Variants in GVQW3 observed in about 807,000 individuals in gnomAD.
The protein encoded by GVQW3 is GVQW motif containing 3, also known as protein GVQW3.
A neutral mutation model predicts 12.5 loss-of-function variants in GVQW3; 7 were observed. The observed-to-expected ratio is 0.56, with a 90% CI of 0.32 to 1.05. GVQW3 has a LOEUF of 1.05. Among genes scored for constraint, GVQW3 ranks in the 50% least tolerant of loss-of-function variants. The pLI is 0.04. For missense variants in GVQW3, 188 were observed against 190.8 expected, an observed-to-expected ratio of 0.99 and a Z score of 0.09; for synonymous variants, 71 against 67.2, an observed-to-expected ratio of 1.06 and a Z score of -0.28.
Position 76,381,902 on chromosome 11 carries a change from C to G in GVQW3, c.74C>G (p.Thr25Ser). ...CVKLNKSASE[T>S]HHLLKEAYGD... ...AAATTGAACAAGTCTGCAAGTGAGA[C>G]CCACCATCTTTTAAAAGAAGCTTAT... Residue 25 changes from threonine to serine, a missense_variant, in exon 1 of 2, where the codon ACC becomes AGC. By Grantham distance (58) the Thr-to-Ser change is moderately conservative (BLOSUM62 1). Coordinates refer to ENST00000529331, the MANE Select transcript of GVQW3 (RefSeq NM_001347885.2). 1 of 1,536,490 alleles carries G rather than the reference C, an allele frequency of 6.5e-7. No homozygotes were observed. The highest frequency in any genetic ancestry group is 1.2e-5 in the South Asian group (1 of 84,048).
At chr11:76,382,602 G>T in intron 1 of GVQW3, 1 of 552,126 alleles carries the variant, frequency 1.8e-6, no homozygotes, top group Non-Finnish European at 3.2e-6. Flanking sequence ...CTGGACTCTT[G>T]GACCATTTTC....
Position 76,408,130 on chromosome 11 carries a change from A to G in GVQW3, c.*4372A>G, listed in dbSNP as rs907773987. On this transcript the variant is annotated 3_prime_UTR_variant, in exon 2 of 2. Coordinates refer to ENST00000529331, the MANE Select transcript of GVQW3 (RefSeq NM_001347885.2). Reference sequence around the variant, plus strand: ...ACATTAAAATTACTTGTTAAGAAAGAAAGAAATGTGTTTTACTGGGAGAAA... The same window carrying G: ...ACATTAAAATTACTTGTTAAGAAAGGAAGAAATGTGTTTTACTGGGAGAAA... The G allele has an allele frequency of 6.6e-6, 1 of 152,220 alleles. No homozygotes were observed. Among genetic ancestry groups the G allele is most frequent in the African/African-American group, 2.4e-5 (1 of 41,462 alleles). 9.4% of individuals were successfully genotyped at this position (152,220 alleles called of 1,614,324 possible). A position where few individuals can be genotyped will look rare whatever the true frequency, so the allele number is the denominator to read the frequency against.
intron 1 of GVQW3, among the ~76,000 whole-genome samples, chr11:76,397,476 GT>G (rs1946949782): frequency 6.6e-6 from 1 of 152,134 alleles, no homozygotes; most frequent in South Asian, 2.1e-4. Context: ...ATTCCCTTAG[GT>G]ATACACCTAG....
intron 1 of GVQW3, chr11:76,382,804 C>G (rs945777639): frequency 9.6e-6 from 2 of 207,828 alleles, no homozygotes; most frequent in African/African-American, 4.6e-5. Context: ...GGAACAGGAT[C>G]TCCTGGAATC....
chr11:76,386,745 T>A (rs1237762939), intron 1 of GVQW3, among the ~76,000 whole-genome samples: 1 of 152,230 alleles, frequency 6.6e-6, no homozygotes, highest in Non-Finnish European at 1.5e-5. Flanking sequence ...CACCCAGATT[T>A]TACCAGGCGT....
At chr11:76,383,547 G>A (rs1946800864) in intron 1 of GVQW3, 1 of 152,470 alleles carries the variant, frequency 6.6e-6, no homozygotes, top group Non-Finnish European at 1.5e-5. Context: ...TTGGGAGACT[G>A]AGGTGGGTGG....
Position 76,404,019 on chromosome 11 carries a change from C to G in GVQW3, c.*261C>G, listed in dbSNP as rs1315887731. On this transcript the variant is annotated 3_prime_UTR_variant, in exon 2 of 2. Coordinates refer to ENST00000529331, the MANE Select transcript of GVQW3 (RefSeq NM_001347885.2). ...AAATGCTAATCTCTTCCGGAAACATCCCCACAGACACACCCAGAAATAATG... is the reference window on the plus strand; with the variant it reads ...AAATGCTAATCTCTTCCGGAAACATGCCCACAGACACACCCAGAAATAATG... 6.5e-6 allele frequency: 4 copies of G among 620,152 alleles called. No homozygotes were observed. The South Asian group carries it at 7.0e-5, about 11-fold the overall frequency. 38.4% of individuals were successfully genotyped at this position (620,152 alleles called of 1,614,324 possible). A position where few individuals can be genotyped will look rare whatever the true frequency, so the allele number is the denominator to read the frequency against.
rs1005984926 is a variant in GVQW3 at position 76,381,515 on chromosome 11, G to A, written c.-314G>A. 3.2e-5 allele frequency: 9 copies of A among 279,444 alleles called. No homozygotes were observed. The highest frequency in any genetic ancestry group is 2.0e-4 in the African/African-American group (9 of 45,656). 17.3% of individuals were successfully genotyped at this position (279,444 alleles called of 1,614,324 possible). On this transcript the variant is annotated 5_prime_UTR_variant, in exon 1 of 2. Transcript: ENST00000529331. ...TCGCCATATACTCCTTAAGGGCCGC[G>A]GAATCGGAGCGACCTTGGTGACTGG...
exon 2 of GVQW3, chr11:76,413,330 A>T (rs1442663046): frequency 1.3e-5 from 2 of 152,148 alleles, no homozygotes; most frequent in East Asian, 3.9e-4. Context: ...ATGTAAAGGG[A>T]CTTTCCGCAG....
chr11:76,403,040 C>G (rs762099469), intron 1 of GVQW3, among the ~76,000 whole-genome samples: 1 of 152,008 alleles, frequency 6.6e-6, no homozygotes, highest in Non-Finnish European at 1.5e-5. Context: ...CTCTACCTCC[C>G]GGGTTCAAGC....
chr11:76,397,807 G>A (rs146060600), intron 1 of GVQW3, among the ~76,000 whole-genome samples: 3 of 152,156 alleles, frequency 2.0e-5, no homozygotes, highest in African/African-American at 7.2e-5. Flanking sequence ...TATATTTAAA[G>A]TGATTCATTT....
intron 1 of GVQW3, among the ~76,000 whole-genome samples, chr11:76,397,592 A>T (rs760285590): frequency 1.3e-5 from 2 of 152,164 alleles, no homozygotes; most frequent in Non-Finnish European, 2.9e-5. Context: ...CTGATTTGTA[A>T]CATTTGTTAA....
At chr11:76,412,577 C>A (rs1947086825), downstream of GVQW3, 1 of 152,258 alleles carries the variant, frequency 6.6e-6, no homozygotes, top group African/African-American at 2.4e-5. Context: ...GTTGCTGTTT[C>A]ACTGTTCTCT....
intron 1 of GVQW3, among the ~76,000 whole-genome samples, chr11:76,400,464 A>G (rs1394763844): frequency 6.6e-6 from 1 of 151,658 alleles, no homozygotes. Context: ...TTTGTCGCCC[A>G]GGCTGGAGTG....
chr11:76,396,838 C>A (rs1281190205), intron 1 of GVQW3, among the ~76,000 whole-genome samples: 1 of 152,082 alleles, frequency 6.6e-6, no homozygotes, highest in African/African-American at 2.4e-5. Context: ...TTTCTTTAAT[C>A]CCCTGGCAAC....
At chr11:76,382,731 G>A (rs763569618) in intron 1 of GVQW3, 28 of 353,832 alleles carry the variant, frequency 7.9e-5, no homozygotes, top group Admixed American at 1.7e-4. Flanking sequence ...TTAGCTTGTT[G>A]TGGCTGTCCT....
chr11:76,408,299 G>C (rs759431070), downstream of GVQW3, among the ~76,000 whole-genome samples: 32 of 152,152 alleles, frequency 2.1e-4, no homozygotes, highest in Non-Finnish European at 3.4e-4. Context: ...GAGAGTTGAA[G>C]GTTAGTGAAA....
At chr11:76,382,643 T>C in intron 1 of GVQW3, 1 of 524,058 alleles carries the variant, frequency 1.9e-6, no homozygotes, top group Non-Finnish European at 3.4e-6. Flanking sequence ...TGAAAAACTT[T>C]TGGCTGTTCC....
intron 1 of GVQW3, chr11:76,392,115 T>C (rs1457207333): frequency 2.6e-5 from 4 of 152,412 alleles, no homozygotes; most frequent in Non-Finnish European, 2.9e-5. Context: ...CAAGAAAGGG[T>C]TCCTACCTTA....
Sources: allele counts gnomAD v4.1 joint callset (sites outside exome capture counted in the v4.1 genomes callset), GRCh38; gene constraint gnomAD v4.1.1; transcripts MANE v1.5; gene names NCBI Gene and HGNC (gene_info 2026-07-23, HGNC 2026-07-21).